The following CHRNA3 variants were observed in gnomAD, a reference collection of about 807,000 sequenced individuals.
CHRNA3 encodes the protein neuronal acetylcholine receptor subunit alpha-3.
CHRNA3 carries 34 observed loss-of-function variants against 41.9 expected under a neutral mutation model. The observed-to-expected ratio is 0.81, with a 90% CI of 0.62 to 1.08. The LOEUF is 1.08. Among genes scored for constraint, CHRNA3 ranks in the 50% least tolerant of loss-of-function variants. The pLI, the probability that CHRNA3 is intolerant of heterozygous loss-of-function variation, is 0.00. For synonymous variants in CHRNA3, 281 were observed against 265.2 expected (o/e 1.06, Z -0.58); for missense variants, 542 against 638.3 (o/e 0.85, Z 1.63).
At chr15:78,597,061 G>A (rs1181531799) in intron 5 of CHRNA3, among the ~76,000 whole-genome samples, 1 of 152,220 alleles carries the variant, frequency 6.6e-6, no homozygotes, top group Non-Finnish European at 1.5e-5. Flanking sequence ...TCCATGGCAG[G>A]ATTCTGGGCC....
At chr15:78,615,546 C>A in intron 4 of CHRNA3, among the ~76,000 whole-genome samples, 1 of 152,102 alleles carries the variant, frequency 6.6e-6, no homozygotes, top group Middle Eastern at 3.2e-3. Context: ...CCAAAGCAAG[C>A]TGGTCACACA....
chr15:78,593,068 G>T (rs1229349593), downstream of CHRNA3: 5 of 1,594,834 alleles, frequency 3.1e-6, no homozygotes, highest in Non-Finnish European at 4.3e-6. Flanking sequence ...ATTATTTAAT[G>T]CATTTTTATT....
chr15:78,607,892 G>A (rs991226495), intron 4 of CHRNA3, among the ~76,000 whole-genome samples: 1 of 152,172 alleles, frequency 6.6e-6, no homozygotes, highest in African/African-American at 2.4e-5. Context: ...TTTCCAACGG[G>A]CTTAAAAAAC....
chr15:78,601,870 G>A lies in CHRNA3; in HGVS notation c.772C>T (p.Leu258Phe), dbSNP rs1176080666. 1 of 1,614,116 alleles carries A rather than the reference G, an allele frequency of 6.2e-7. No individual in the cohort carries two copies. Among genetic ancestry groups the A allele is most frequent in the Non-Finnish European group, 8.5e-7 (1 of 1,180,026 alleles). Residue 258 changes from leucine to phenylalanine, a missense_variant, in exon 5 of 6, where the codon CTC becomes TTC. Transcript: ENST00000326828. ...GGCAGGTAGAAGACGAGCACAGTGA[G>A]GAAGGAGATGAGCAGGCAGGGGATG... ...LIIPCLLISFLTVLVFYLPSD... is the reference protein window; with the variant it reads ...LIIPCLLISFFTVLVFYLPSD...
chr15:78,619,314 A>C, intron 1 of CHRNA3: 1 of 223,064 alleles, frequency 4.5e-6, no homozygotes, highest in Non-Finnish European at 8.9e-6. Flanking sequence ...AAGGAAGTGC[A>C]CAGCTTGGTG....
intron 4 of CHRNA3, among the ~76,000 whole-genome samples, chr15:78,606,413 C>CCAA (rs2053289156): frequency 6.7e-6 from 1 of 149,916 alleles, no homozygotes; most frequent in South Asian, 2.1e-4. Context: ...AATAGAGCCA[C>CCAA]CAAGCAGATG....
rs2053176955 is a variant in CHRNA3, at chr15:78,600,228, C to T, written c.1389+1025G>A. Among the ~76,000 whole-genome samples the T allele has an allele frequency of 2.6e-5, 4 of 152,110 alleles. No homozygotes were observed. In the South Asian group the frequency reaches 8.3e-4, roughly 32 times the overall value. ...TAGCTGGAACTACAGGCACGTGCCA[C>T]CACGCCTGGCTAATTTTTGTATTTC... On this transcript the variant is annotated intron_variant, in intron 5 of 5. Coordinates refer to ENST00000326828, the MANE Select transcript of CHRNA3 (RefSeq NM_000743.5).
chr15:78,620,327 C>G (rs574098721), intron 1 of CHRNA3: 93 of 220,872 alleles, frequency 4.2e-4, no homozygotes, highest in African/African-American at 1.9e-3. Context: ...GGGATGCAGA[C>G]GGTGGAGCGG....
intron 3 of CHRNA3, among the ~76,000 whole-genome samples, chr15:78,618,045 G>A (rs147691270): frequency 3.5e-4 from 54 of 152,280 alleles, no homozygotes; most frequent in Middle Eastern, 6.8e-3. Context: ...TCAGGCGTTC[G>A]AGACCAGCCT....
At chr15:78,603,099 T>C (rs1443750393) in intron 4 of CHRNA3, among the ~76,000 whole-genome samples, 2 of 152,196 alleles carry the variant, frequency 1.3e-5, no homozygotes, top group Non-Finnish European at 2.9e-5. Flanking sequence ...CTACAATCTC[T>C]GTCTCCCGGG....
At chr15:78,613,251 T>C (rs1401696068) in intron 4 of CHRNA3, among the ~76,000 whole-genome samples, 2 of 152,094 alleles carry the variant, frequency 1.3e-5, no homozygotes, top group African/African-American at 2.4e-5. Flanking sequence ...AATCATGCTG[T>C]TATAAAGACA....
At chr15:78,608,230 C>T (rs1250931490) in intron 4 of CHRNA3, among the ~76,000 whole-genome samples, 1 of 152,226 alleles carries the variant, frequency 6.6e-6, no homozygotes, top group Non-Finnish European at 1.5e-5. Context: ...TCTCCCAGCA[C>T]GCAGCTGGAA....
In CHRNA3 at chr15:78,601,566, G is replaced by A; in HGVS notation, c.1076C>T (p.Pro359Leu). The change falls in exon 5 of 6, where the codon CCA becomes CTA. Residue 359 changes from proline (P) to leucine (L), a missense_variant. Pro to Leu is a moderately conservative substitution (Grantham distance 98). Transcript: ENST00000326828. ...CTGAGCGTTGCCCTCGTTGCTTGTT[G>A]GCCTGGTCATGAACATGACCCTGGG... ...LLPRVMFMTR[P>L]TSNEGNAQKP... is the part of the protein sequence containing the mutation. 1 of 1,614,138 alleles carries A rather than the reference G, an allele frequency of 6.2e-7. No individual in the cohort carries two copies.
intron 5 of CHRNA3, among the ~76,000 whole-genome samples, chr15:78,600,408 C>T (rs1391192304): frequency 6.6e-6 from 1 of 152,160 alleles, no homozygotes; most frequent in East Asian, 1.9e-4. Flanking sequence ...GAGGGAGACA[C>T]TGACTGGCAA....
At chr15:78,597,516 TCCCTCCCCACTG>T (rs2053132623) in intron 5 of CHRNA3, among the ~76,000 whole-genome samples, 2 of 152,148 alleles carry the variant, frequency 1.3e-5, no homozygotes, top group Non-Finnish European at 2.9e-5. Context: ...CATCACTCTT[TCCCTCCCCACTG>T]CCCTCTCCAC....
intron 4 of CHRNA3, among the ~76,000 whole-genome samples, chr15:78,613,699 A>G (rs956959796): frequency 1.3e-5 from 2 of 151,246 alleles, no homozygotes; most frequent in African/African-American, 2.4e-5. Context: ...GTGCACATGT[A>G]CCCTAAAACT....
At chr15:78,616,223 C>T (rs28681284) in intron 4 of CHRNA3, among the ~76,000 whole-genome samples, 29,820 of 151,520 alleles carry the variant, frequency 0.2, 3,225 homozygotes, top group South Asian at 0.36. Context: ...TGTGGCAGCA[C>T]GTGCCTGTAA....
rs142168940 is a variant in CHRNA3 at position 78,598,816 on chromosome 15, G to A, written c.1390-2084C>T. The stretch of plus-strand genomic sequence containing the variant: ...CTCCCAAAGTGCTGGGATTGCAGGC[G>A]TCAGCCACTGCACCCGGCATTTTTT... On this transcript the variant is annotated intron_variant, in intron 5 of 5. Coordinates refer to ENST00000326828, the MANE Select transcript of CHRNA3 (RefSeq NM_000743.5). 2.5e-3 allele frequency among the ~76,000 whole-genome samples: 380 copies of A among 150,194 alleles called. 4 individuals carry two copies. Among genetic ancestry groups the A allele is most frequent in the African/African-American group, 8.7e-3 (354 of 40,780 alleles).
At position 78,620,962 on chromosome 15, in the gene CHRNA3, C is replaced by T; in HGVS notation, c.-168G>A. ...TCGCCGCCGCTGGGTTTCCAGCGCC[C>T]TCGGACCCGCGGGAGGACAGGAACC... On this transcript the variant is annotated 5_prime_UTR_variant, in exon 1 of 6. Transcript: ENST00000326828. 2 of 943,942 alleles carry T rather than the reference C, an allele frequency of 2.1e-6. No homozygotes were observed. Among genetic ancestry groups the T allele is most frequent in the Non-Finnish European group, 2.7e-6 (2 of 730,784 alleles). The allele number at this position is 943,942 out of a possible 1,614,324, so 58.5% of individuals were successfully genotyped here.
Sources: gnomAD v4.1 joint callset for allele counts (sites outside exome capture counted in the v4.1 genomes callset) on GRCh38, gnomAD v4.1.1 for gene constraint, MANE v1.5 for transcripts, NCBI Gene and HGNC (gene_info 2026-07-23, HGNC 2026-07-21) for gene names.